The following TAB2 variants were observed in gnomAD, a reference collection of about 807,000 sequenced individuals.
TAB2 encodes TGF-beta activated kinase 1 (MAP3K7) binding protein 2, also known as TGF-beta-activated kinase 1 and MAP3K7-binding protein 2.
Under a neutral mutation model 65.0 loss-of-function variants are expected in TAB2, and 3 were observed. The ratio of observed to expected loss-of-function variants is 0.05; its 90% CI spans 0.02 to 0.12. The LOEUF (loss-of-function observed/expected upper bound fraction) is 0.12. Ranked by LOEUF, TAB2 falls within the 10% of genes least tolerant of loss-of-function variation. The pLI, the probability that TAB2 is intolerant of heterozygous loss-of-function variation, is 1.00. For synonymous variants in TAB2, 298 were observed against 285.1 expected (o/e 1.05, Z -0.46); for missense variants, 623 against 840.3 (o/e 0.74, Z 3.20).
chr6:149,359,484 A>G (rs552053490), intron 1 of TAB2, among the ~76,000 whole-genome samples: 1 of 152,116 alleles, frequency 6.6e-6, no homozygotes, highest in Admixed American at 6.5e-5. Context: ...TGTGGCTTCT[A>G]TGTGGCAATG....
intron 1 of TAB2, among the ~76,000 whole-genome samples, chr6:149,341,717 T>G (rs980969045): frequency 2.0e-5 from 3 of 152,226 alleles, no homozygotes; most frequent in African/African-American, 7.2e-5. Context: ...TACTCTGTTT[T>G]GCTGTTTATA....
chr6:149,244,912 A>G (rs1234506947), intron 1 of TAB2: 1 of 151,998 alleles, frequency 6.6e-6, no homozygotes, highest in Non-Finnish European at 1.5e-5. Context: ...GATATGGCAG[A>G]TGCTGCTGCC....
At chr6:149,295,120 G>T (rs550913740) in intron 1 of TAB2, among the ~76,000 whole-genome samples, 1 of 152,248 alleles carries the variant, frequency 6.6e-6, no homozygotes, top group African/African-American at 2.4e-5. Flanking sequence ...GGTTATGGTG[G>T]ACACCTAAAA....
chr6:149,341,461 A>C (rs1162301815), intron 1 of TAB2, among the ~76,000 whole-genome samples: 2 of 152,174 alleles, frequency 1.3e-5, no homozygotes, highest in Non-Finnish European at 1.5e-5. Flanking sequence ...ATAATGCAGA[A>C]AAATATATTG....
intron 1 of TAB2, among the ~76,000 whole-genome samples, chr6:149,333,707 T>TTG (rs1562420150): frequency 1.8e-5 from 2 of 109,788 alleles, no homozygotes; most frequent in East Asian, 5.4e-4. Flanking sequence ...TCCAGATCCA[T>TTG]AGTGTGTGTG....
At chr6:149,341,012 T>TAGGGCAAAAAAAAGCCC (rs1457316837) in intron 1 of TAB2, among the ~76,000 whole-genome samples, 1 of 152,152 alleles carries the variant, frequency 6.6e-6, no homozygotes, top group Non-Finnish European at 1.5e-5. Context: ...ATTGCCCATA[T>TAGGGCAAAAAAAAGCCC]ATAAGGCTTT....
intron 1 of TAB2, among the ~76,000 whole-genome samples, chr6:149,233,082 A>G (rs1230518105): frequency 1.3e-5 from 2 of 152,198 alleles, no homozygotes; most frequent in Non-Finnish European, 2.9e-5. Flanking sequence ...TATATCCTGC[A>G]TGCAGACCCA....
chr6:149,295,257 G>A (rs1028386009), intron 1 of TAB2, among the ~76,000 whole-genome samples: 1 of 152,154 alleles, frequency 6.6e-6, no homozygotes, highest in African/African-American at 2.4e-5. Flanking sequence ...AAGATAATCT[G>A]TCTTTTTTTC....
intron 3 of TAB2, among the ~76,000 whole-genome samples, chr6:149,395,941 C>G (rs1216645890): frequency 6.6e-6 from 1 of 151,994 alleles, no homozygotes; most frequent in Non-Finnish European, 1.5e-5. Flanking sequence ...GAAACATTTT[C>G]AGCCAATATC....
rs911505996 is a variant in TAB2 at position 149,410,104 on chromosome 6, A to G, written c.*385A>G. On this transcript the variant is annotated 3_prime_UTR_variant, in exon 7 of 7. Coordinates refer to ENST00000637181, the MANE Select transcript of TAB2 (RefSeq NM_001292034.3). The stretch of plus-strand genomic sequence containing the variant: ...GAATGATAGCTTGTTTTATTTGTAA[A>G]GCTTTCAGTGAAACACTACATACAC... The G allele has an allele frequency of 3.7e-6, 1 of 268,816 alleles. No individual in the cohort carries two copies. Among genetic ancestry groups the G allele is most frequent in the Non-Finnish European group, 7.2e-6 (1 of 138,758 alleles). 16.7% of individuals were successfully genotyped at this position (268,816 alleles called of 1,614,324 possible).
intron 6 of TAB2, chr6:149,400,391 C>G (rs1356324946): frequency 6.2e-7 from 1 of 1,613,752 alleles, no homozygotes; most frequent in Non-Finnish European, 8.5e-7. Flanking sequence ...CGGTGTTCAC[C>G]ATGGCCAACG....
At chr6:149,366,388 C>G (rs1318834818) in intron 1 of TAB2, among the ~76,000 whole-genome samples, 3 of 152,066 alleles carry the variant, frequency 2.0e-5, no homozygotes, top group Non-Finnish European at 4.4e-5. Context: ...AGTTTATACA[C>G]AGAATTTAGG....
chr6:149,349,257 A>G (rs1018160355), intron 1 of TAB2, among the ~76,000 whole-genome samples: 2 of 151,928 alleles, frequency 1.3e-5, no homozygotes, highest in East Asian at 1.9e-4. Context: ...CGTCTCTACT[A>G]AAAATACAAA....
chr6:149,226,752 T>C (rs1777286742), intron 1 of TAB2, among the ~76,000 whole-genome samples: 1 of 152,220 alleles, frequency 6.6e-6, no homozygotes, highest in Admixed American at 6.5e-5. Context: ...TTTCCTAATA[T>C]CAATGTACTT....
At chr6:149,402,725 C>A (rs1782477818) in intron 6 of TAB2, among the ~76,000 whole-genome samples, 1 of 152,106 alleles carries the variant, frequency 6.6e-6, no homozygotes, top group Admixed American at 6.5e-5. Flanking sequence ...CGCAAAAAGT[C>A]CTCAGTAAAA....
At chr6:149,345,305 A>G (rs917824234) in intron 1 of TAB2, among the ~76,000 whole-genome samples, 4 of 152,202 alleles carry the variant, frequency 2.6e-5, no homozygotes, top group Admixed American at 2.6e-4. Context: ...TTTAAGTTAG[A>G]AAGTAACTGT....
At position 149,403,244 on chromosome 6, in the gene TAB2, AAAAATAT is replaced by A. The variant is rs1223697103; in HGVS notation, c.1939+4062_1939+4068del. Among the ~76,000 whole-genome samples, 64 of 49,964 alleles carry A rather than the reference AAAAATAT, an allele frequency of 1.3e-3. 1 individual carries two copies. Among genetic ancestry groups the A allele is most frequent in the African/African-American group, 4.6e-3 (55 of 12,040 alleles). The allele number at this position is 49,964 out of a possible 152,430, so 32.8% of individuals were successfully genotyped here. On this transcript the variant is annotated intron_variant, in intron 6 of 6. Transcript: ENST00000637181. ...AGCGAAACTCTTGTCTAAAAAAAAA[AAAAATAT>A]ATATATATATATATATATATATATA...
At chr6:149,243,546 C>T (rs1777642534) in intron 1 of TAB2, 1 of 152,194 alleles carries the variant, frequency 6.6e-6, no homozygotes, top group Non-Finnish European at 1.5e-5. Context: ...TAACCTAAAA[C>T]ACAGGAGACA....
At chr6:149,303,099 C>A (rs921549238) in intron 1 of TAB2, among the ~76,000 whole-genome samples, 1 of 152,222 alleles carries the variant, frequency 6.6e-6, no homozygotes, top group East Asian at 1.9e-4. Flanking sequence ...CAACCCCAGA[C>A]AGGATTATCT....
Sources: gnomAD v4.1 joint callset for allele counts (sites outside exome capture counted in the v4.1 genomes callset) on GRCh38, gnomAD v4.1.1 for gene constraint, MANE v1.5 for transcripts, NCBI Gene and HGNC (gene_info 2026-07-23, HGNC 2026-07-21) for gene names.